The following TOX2 variants were observed in gnomAD, a reference collection of about 807,000 sequenced individuals.
TOX2 encodes the protein granulosa cell HMG box 1.
Under a neutral mutation model 47.4 loss-of-function variants are expected in TOX2, and 15 were observed. The ratio of observed to expected loss-of-function variants is 0.32; its 90% CI spans 0.21 to 0.49. TOX2 has a LOEUF of 0.49. Ranked by LOEUF, TOX2 falls within the 20% of genes least tolerant of loss-of-function variation. The probability of loss-of-function intolerance (pLI) is 0.99; values close to 1 mark genes in which losing one functional copy is unlikely to be tolerated. For synonymous variants in TOX2, 290 were observed against 296.6 expected, an observed-to-expected ratio of 0.98 and a Z score of 0.23; for missense variants, 622 against 673.1, an observed-to-expected ratio of 0.92 and a Z score of 0.84.
chr20:43,937,219 C>A (rs2069337815), intron 1 of TOX2, among the ~76,000 whole-genome samples: 1 of 152,092 alleles, frequency 6.6e-6, no homozygotes, highest in South Asian at 2.1e-4. Context: ...GAAGGAGGGG[C>A]CTGGCACACT....
chr20:43,991,451 C>T (rs911507535), intron 2 of TOX2, among the ~76,000 whole-genome samples: 27 of 152,150 alleles, frequency 1.8e-4, no homozygotes, highest in African/African-American at 6.0e-4. Flanking sequence ...AAACTGTGAA[C>T]AAAGCAGTCA....
At chr20:44,004,951 A>G (rs965535313) in intron 2 of TOX2, among the ~76,000 whole-genome samples, 2 of 152,232 alleles carry the variant, frequency 1.3e-5, no homozygotes, top group African/African-American at 4.8e-5. Flanking sequence ...AGCTAGAAGG[A>G]AGATATTGAA....
intron 4 of TOX2, among the ~76,000 whole-genome samples, chr20:44,052,395 C>G (rs1042472298): frequency 6.6e-6 from 1 of 152,204 alleles, no homozygotes; most frequent in Non-Finnish European, 1.5e-5. Flanking sequence ...GGCCTCCCAG[C>G]GAGCTAGTGG....
chr20:44,006,759 G>A lies in TOX2; in HGVS notation c.378G>A (p.Gln126=). The A allele has an allele frequency of 1.2e-6, 2 of 1,613,930 alleles. No individual in the cohort carries two copies. The highest frequency in any genetic ancestry group is 1.7e-6 in the Non-Finnish European group (2 of 1,180,022). Residue 126 remains glutamine (Q), a synonymous_variant, in exon 3 of 9, where the codon CAG becomes CAA. Transcript: ENST00000341197. ...TCATGGTGTCCAACATGCTAGCACAGGACAGCCACCTGCTGTCGGGCCAGC... is the reference window on the plus strand; with the variant it reads ...TCATGGTGTCCAACATGCTAGCACAAGACAGCCACCTGCTGTCGGGCCAGC... ...PAIMVSNMLA[Q]DSHLLSGQLP... is the part of the protein sequence containing the mutation.
At chr20:44,051,239 A>T in intron 3 of TOX2, 67 bp from the exon 4 acceptor site, 1 of 1,531,952 alleles carries the variant, frequency 6.5e-7, no homozygotes, top group Non-Finnish European at 8.8e-7. Context: ...TAAGTCCGCT[A>T]GCACAGATGT....
intron 1 of TOX2, among the ~76,000 whole-genome samples, chr20:43,960,763 C>G (rs1267745828): frequency 6.6e-6 from 1 of 152,246 alleles, no homozygotes; most frequent in Non-Finnish European, 1.5e-5. Context: ...CCACTCCTGT[C>G]TCCTACCCTG....
At chr20:44,003,183 C>CTT (rs376872679) in intron 2 of TOX2, among the ~76,000 whole-genome samples, 29 of 133,134 alleles carry the variant, frequency 2.2e-4, no homozygotes, top group African/African-American at 5.5e-4. Flanking sequence ...GTACATTCAA[C>CTT]TTTTTTTTTT....
At chr20:44,012,130 C>G (rs943724762) in intron 3 of TOX2, among the ~76,000 whole-genome samples, 7 of 152,316 alleles carry the variant, frequency 4.6e-5, no homozygotes, top group Admixed American at 3.3e-4. Flanking sequence ...TGTTGATTGT[C>G]TCATTTCGAG....
intron 2 of TOX2, among the ~76,000 whole-genome samples, chr20:43,979,388 T>A (rs1283291710): frequency 6.6e-6 from 1 of 151,590 alleles, no homozygotes; most frequent in African/African-American, 2.4e-5. Context: ...TAAGAAGGAG[T>A]GGTTTGAGAA....
intron 1 of TOX2, among the ~76,000 whole-genome samples, chr20:43,937,700 T>A (rs1340759764): frequency 6.6e-6 from 1 of 152,080 alleles, no homozygotes; most frequent in East Asian, 1.9e-4. Context: ...TCTACGTCCA[T>A]GTGCAGGGCT....
rs373928103 is a variant in TOX2 at position 43,929,954 on chromosome 20, C to T, written c.99+14964C>T. Among the ~76,000 whole-genome samples the T allele has an allele frequency of 2.3e-4, 35 of 152,264 alleles. 2 individuals carry two copies. Among genetic ancestry groups the T allele is most frequent in the Admixed American group, 3.9e-4 (6 of 15,300 alleles). ...CAATCTCCTGACATCATGATCCACC[C>T]GCCTCGGCCTCCCGAAGCGCTGGGA... On this transcript the variant is annotated intron_variant, in intron 1 of 8. Coordinates refer to ENST00000341197, the MANE Select transcript of TOX2 (RefSeq NM_001098797.2).
At chr20:44,043,349 A>G (rs773218390) in intron 3 of TOX2, among the ~76,000 whole-genome samples, 1 of 152,210 alleles carries the variant, frequency 6.6e-6, no homozygotes, top group Non-Finnish European at 1.5e-5. Context: ...TAAATATTGC[A>G]GGTACAAGTT....
At chr20:43,977,782 A>AG (rs753215619) in intron 2 of TOX2, among the ~76,000 whole-genome samples, 1 of 152,114 alleles carries the variant, frequency 6.6e-6, no homozygotes, top group Non-Finnish European at 1.5e-5. Flanking sequence ...CAGCAGCTCC[A>AG]GGGGGGTAGA....
chr20:43,947,150 A>G (rs2069487867), intron 1 of TOX2, among the ~76,000 whole-genome samples: 1 of 152,210 alleles, frequency 6.6e-6, no homozygotes, highest in Admixed American at 6.5e-5. Flanking sequence ...GCTATTGAGC[A>G]CCTACTGTAT....
At chr20:43,962,084 C>T (rs944954983) in intron 1 of TOX2, among the ~76,000 whole-genome samples, 2 of 152,282 alleles carry the variant, frequency 1.3e-5, no homozygotes, top group South Asian at 2.1e-4. Context: ...GATTTACAAT[C>T]GGGGATGGGA....
At chr20:44,059,540 AGAAG>A (rs1200027980) in intron 5 of TOX2, among the ~76,000 whole-genome samples, 1 of 151,786 alleles carries the variant, frequency 6.6e-6, no homozygotes, top group East Asian at 1.9e-4. Context: ...TGTCACAAAA[AGAAG>A]GAAAGGAAAA....
intron 2 of TOX2, among the ~76,000 whole-genome samples, chr20:43,994,344 A>G (rs552631641): frequency 6.6e-6 from 1 of 151,348 alleles, no homozygotes; most frequent in African/African-American, 2.4e-5. Context: ...CTGTAGTCCC[A>G]GCTATTCAGG....
intron 3 of TOX2, among the ~76,000 whole-genome samples, chr20:44,042,793 A>G (rs6093921): frequency 0.65 from 98,632 of 152,036 alleles, 32,844 homozygotes; most frequent in East Asian, 0.79. Flanking sequence ...AAGAATTTTA[A>G]GGAGGATAGT....
intron 3 of TOX2, among the ~76,000 whole-genome samples, chr20:44,039,743 C>T (rs976835378): frequency 4.6e-5 from 7 of 152,034 alleles, no homozygotes; most frequent in South Asian, 2.1e-4. Flanking sequence ...TCTTCCAGGA[C>T]GCAAGTCAGA....
Sources: gnomAD v4.1 joint callset for allele counts (sites outside exome capture counted in the v4.1 genomes callset) on GRCh38, gnomAD v4.1.1 for gene constraint, MANE v1.5 for transcripts, NCBI Gene and HGNC (gene_info 2026-07-23, HGNC 2026-07-21) for gene names.